The following NEGR1 variants were observed in gnomAD, a reference collection of about 807,000 sequenced individuals.
The protein encoded by NEGR1 is neuronal growth regulator 1.
NEGR1 carries 10 observed loss-of-function variants against 40.9 expected under a neutral mutation model. The ratio of observed to expected loss-of-function variants is 0.24; its 90% CI spans 0.15 to 0.42. The LOEUF (loss-of-function observed/expected upper bound fraction) is 0.42, where lower values mean the gene tolerates loss of function less well. Ranked by LOEUF, NEGR1 falls within the 10% of genes least tolerant of loss-of-function variation. NEGR1 has a pLI of 1.00. For missense variants in NEGR1, 352 were observed against 438.9 expected (o/e 0.80, Z 1.77); for synonymous variants, 185 against 166.8 (o/e 1.11, Z -0.84).
At chr1:71,953,956 CT>C (rs1646095393) in intron 1 of NEGR1, among the ~76,000 whole-genome samples, 1 of 151,798 alleles carries the variant, frequency 6.6e-6, no homozygotes, top group Non-Finnish European at 1.5e-5. Context: ...TCGCAGTGGT[CT>C]GGAAACTGAT....
intron 3 of NEGR1, among the ~76,000 whole-genome samples, chr1:71,743,946 G>A (rs566545566): frequency 6.6e-6 from 1 of 152,222 alleles, no homozygotes; most frequent in East Asian, 1.9e-4. Flanking sequence ...TTTCTGTCAA[G>A]AATTGGAAAT....
chr1:71,749,947 T>C (rs1436239022), intron 3 of NEGR1, among the ~76,000 whole-genome samples: 2 of 151,780 alleles, frequency 1.3e-5, no homozygotes, highest in East Asian at 3.9e-4. Flanking sequence ...CTCACAAAGC[T>C]ACAAAAATCA....
intron 1 of NEGR1, among the ~76,000 whole-genome samples, chr1:72,032,466 G>A (rs575583915): frequency 1.3e-5 from 2 of 152,166 alleles, no homozygotes; most frequent in Non-Finnish European, 2.9e-5. Flanking sequence ...AGGACTTCAC[G>A]CAAATTCTTC....
chr1:72,003,914 G>A (rs1646580027), intron 1 of NEGR1, among the ~76,000 whole-genome samples: 3 of 152,082 alleles, frequency 2.0e-5, no homozygotes, highest in Non-Finnish European at 4.4e-5. Flanking sequence ...TCATTTGCAT[G>A]AGCCATTTTC....
intron 1 of NEGR1, among the ~76,000 whole-genome samples, chr1:72,272,125 T>C (rs952254433): frequency 6.6e-6 from 1 of 151,890 alleles, no homozygotes; most frequent in Non-Finnish European, 1.5e-5. Flanking sequence ...TCTCTTATTA[T>C]AGTTCTAAAT....
intron 2 of NEGR1, among the ~76,000 whole-genome samples, chr1:71,896,044 T>TA (rs1241219275): frequency 2.0e-5 from 3 of 148,748 alleles, no homozygotes; most frequent in Admixed American, 6.7e-5. Flanking sequence ...ACTTTTTTTT[T>TA]TTTTTTTTTT....
chr1:72,021,550 A>G (rs1646756749), intron 1 of NEGR1, among the ~76,000 whole-genome samples: 1 of 152,134 alleles, frequency 6.6e-6, no homozygotes, highest in Non-Finnish European at 1.5e-5. Context: ...TGTGAATGAA[A>G]AAAGAAACAT....
intron 4 of NEGR1, among the ~76,000 whole-genome samples, chr1:71,641,175 G>C (rs543848968): frequency 6.6e-6 from 1 of 152,196 alleles, no homozygotes; most frequent in Admixed American, 6.5e-5. Flanking sequence ...GCGTAGCAAA[G>C]ACAGCAGCTG....
chr1:71,859,963 G>A (rs568727717), intron 2 of NEGR1, among the ~76,000 whole-genome samples: 31 of 151,998 alleles, frequency 2.0e-4, no homozygotes, highest in Middle Eastern at 6.8e-3. Context: ...ACAACCCAAG[G>A]ACCATCTGCC....
intron 4 of NEGR1, among the ~76,000 whole-genome samples, chr1:71,684,418 GTCTT>G (rs1243501034): frequency 4.6e-5 from 7 of 151,856 alleles, no homozygotes; most frequent in Non-Finnish European, 8.8e-5. Flanking sequence ...TATTTTTAAC[GTCTT>G]TCTAAGAAGA....
At chr1:72,195,779 A>G (rs1380150743) in intron 1 of NEGR1, among the ~76,000 whole-genome samples, 3 of 152,022 alleles carry the variant, frequency 2.0e-5, no homozygotes, top group Non-Finnish European at 2.9e-5. Flanking sequence ...TACACCTTGT[A>G]AGATACTGCA....
chr1:72,223,314 C>T (rs933949510), intron 1 of NEGR1, among the ~76,000 whole-genome samples: 6 of 152,142 alleles, frequency 3.9e-5, no homozygotes, highest in Non-Finnish European at 7.3e-5. Flanking sequence ...AAATTCCAAT[C>T]GCTTAATATA....
At chr1:71,490,352 A>T (rs1189339640) in intron 6 of NEGR1, among the ~76,000 whole-genome samples, 2 of 152,018 alleles carry the variant, frequency 1.3e-5, no homozygotes, top group Non-Finnish European at 2.9e-5. Context: ...TTATGACAAC[A>T]TGCTACAGTG....
intron 6 of NEGR1, among the ~76,000 whole-genome samples, chr1:71,479,627 CTT>C (rs992603742): frequency 6.6e-6 from 1 of 151,932 alleles, no homozygotes; most frequent in African/African-American, 2.4e-5. Flanking sequence ...AGGGAGAAAA[CTT>C]TGCTTCTGGG....
chr1:71,557,933 C>A (rs986279817), intron 6 of NEGR1, among the ~76,000 whole-genome samples: 2 of 151,474 alleles, frequency 1.3e-5, no homozygotes, highest in African/African-American at 4.8e-5. Flanking sequence ...ATTATCTTGA[C>A]ACTTGGAAGA....
chr1:72,265,267 T>C (rs945559395), intron 1 of NEGR1, among the ~76,000 whole-genome samples: 6 of 150,988 alleles, frequency 4.0e-5, no homozygotes, highest in African/African-American at 1.5e-4. Flanking sequence ...AAATTTATAA[T>C]AGATTGACTC....
intron 1 of NEGR1, among the ~76,000 whole-genome samples, chr1:72,257,884 C>A (rs1655326818): frequency 6.6e-6 from 1 of 152,140 alleles, no homozygotes; most frequent in Non-Finnish European, 1.5e-5. Flanking sequence ...CCAGATAAAT[C>A]TCTGAACATT....
At chr1:71,820,105 A>G (rs1658372269) in intron 2 of NEGR1, among the ~76,000 whole-genome samples, 1 of 152,040 alleles carries the variant, frequency 6.6e-6, no homozygotes, top group Non-Finnish European at 1.5e-5. Context: ...TGGTAATGAA[A>G]GCTATATCAG....
At chr1:72,011,331 G>A (rs1646655418) in intron 1 of NEGR1, among the ~76,000 whole-genome samples, 1 of 152,082 alleles carries the variant, frequency 6.6e-6, no homozygotes, top group Non-Finnish European at 1.5e-5. Flanking sequence ...CAGTGGGTGA[G>A]CTAATATCTT....
Sources: allele counts gnomAD v4.1 joint callset (sites outside exome capture counted in the v4.1 genomes callset), GRCh38; gene constraint gnomAD v4.1.1; transcripts MANE v1.5; gene names NCBI Gene and HGNC (gene_info 2026-07-23, HGNC 2026-07-21).